Variants in PRKN observed in about 807,000 individuals in gnomAD.
PRKN encodes parkin RBR E3 ubiquitin protein ligase, also known as E3 ubiquitin-protein ligase parkin.
PRKN carries 56 observed loss-of-function variants against 59.5 expected under a neutral mutation model. The ratio of observed to expected loss-of-function variants is 0.94; its 90% CI spans 0.76 to 1.18. PRKN has a LOEUF of 1.18. Among genes scored for constraint, PRKN ranks in the 50% most tolerant of loss-of-function variants. PRKN has a pLI of 0.00. For missense variants in PRKN, 657 were observed against 596.4 expected, an observed-to-expected ratio of 1.10 and a Z score of -1.06; for synonymous variants, 250 against 222.1, an observed-to-expected ratio of 1.13 and a Z score of -1.12.
At chr6:162,530,672 G>A (rs187510864) in intron 1 of PRKN, among the ~76,000 whole-genome samples, 1 of 152,304 alleles carries the variant, frequency 6.6e-6, no homozygotes, top group East Asian at 1.9e-4. Flanking sequence ...AGTCATGCAT[G>A]AGGGATCGCT....
intron 6 of PRKN, among the ~76,000 whole-genome samples, chr6:161,854,084 TAAAAAAAAAA>T (rs34040894): frequency 9.6e-6 from 1 of 103,708 alleles, no homozygotes; most frequent in Non-Finnish European, 1.9e-5. Flanking sequence ...TGTTTCTACA[TAAAAAAAAAA>T]AAAAAAAAAA....
intron 6 of PRKN, among the ~76,000 whole-genome samples, chr6:161,840,130 C>T (rs747941369): frequency 1.3e-5 from 2 of 152,232 alleles, no homozygotes; most frequent in Non-Finnish European, 2.9e-5. Flanking sequence ...ACCACCAGCA[C>T]TGCTTGCCCT....
At chr6:161,710,757 G>C (rs57921265) in intron 7 of PRKN, among the ~76,000 whole-genome samples, 1 of 151,414 alleles carries the variant, frequency 6.6e-6, no homozygotes, top group Non-Finnish European at 1.5e-5. Flanking sequence ...CTTGAATCTT[G>C]AATGTGCCTG....
At chr6:162,354,134 T>C (rs1436131771) in intron 2 of PRKN, among the ~76,000 whole-genome samples, 1 of 152,184 alleles carries the variant, frequency 6.6e-6, no homozygotes, top group Non-Finnish European at 1.5e-5. Context: ...TGTTATGTAT[T>C]CCTGTGACAT....
chr6:161,537,840 G>C lies in PRKN; in HGVS notation c.1083+11014C>G, dbSNP rs959321842. Among the ~76,000 whole-genome samples the C allele has an allele frequency of 6.6e-5, 10 of 152,178 alleles. No individual in the cohort carries two copies. In the East Asian group the frequency reaches 1.7e-3, roughly 26 times the overall value. On this transcript the variant is annotated intron_variant, in intron 9 of 11. Transcript: ENST00000366898. ...ATGTCACATTCTGCAAGTGGACTGG[G>C]TTTGTCTACATGGGGAGGCGGCCAC...
intron 2 of PRKN, among the ~76,000 whole-genome samples, chr6:162,322,050 T>C (rs1783045611): frequency 6.6e-6 from 1 of 151,872 alleles, no homozygotes; most frequent in South Asian, 2.1e-4. Context: ...AATTAGAAAA[T>C]TCCTATTCTC....
chr6:162,460,333 G>A (rs1791093178), intron 1 of PRKN, among the ~76,000 whole-genome samples: 1 of 152,164 alleles, frequency 6.6e-6, no homozygotes, highest in Non-Finnish European at 1.5e-5. Context: ...CACAGAGAGT[G>A]CATTAGTGAT....
At chr6:162,114,516 T>C (rs1359813256) in intron 4 of PRKN, among the ~76,000 whole-genome samples, 1 of 152,070 alleles carries the variant, frequency 6.6e-6, no homozygotes, top group East Asian at 1.9e-4. Flanking sequence ...GCTCTCTGTT[T>C]GTCTGTTGTT....
At chr6:162,074,405 T>C (rs1399498606) in intron 4 of PRKN, among the ~76,000 whole-genome samples, 3 of 141,524 alleles carry the variant, frequency 2.1e-5, no homozygotes, top group African/African-American at 8.0e-5. Context: ...CCACATATTC[T>C]CACTCATAGG....
At chr6:162,089,980 AC>A (rs1031761435) in intron 4 of PRKN, among the ~76,000 whole-genome samples, 1 of 152,214 alleles carries the variant, frequency 6.6e-6, no homozygotes, top group Admixed American at 6.5e-5. Flanking sequence ...GTTGATGATT[AC>A]ACAACTCTAT....
chr6:161,739,032 T>C (rs932624320), intron 7 of PRKN, among the ~76,000 whole-genome samples: 1 of 152,220 alleles, frequency 6.6e-6, no homozygotes, highest in Non-Finnish European at 1.5e-5. Flanking sequence ...GATATTGATA[T>C]GCCAGGATCC....
At chr6:161,842,250 G>A (rs1793016744) in intron 6 of PRKN, among the ~76,000 whole-genome samples, 1 of 151,964 alleles carries the variant, frequency 6.6e-6, no homozygotes, top group African/African-American at 2.4e-5. Flanking sequence ...TGTAATCCCA[G>A]CACTTTGGGA....
At chr6:162,020,935 T>C (rs1783122951) in intron 5 of PRKN, among the ~76,000 whole-genome samples, 4 of 151,172 alleles carry the variant, frequency 2.6e-5, no homozygotes, top group Admixed American at 2.6e-4. Flanking sequence ...AAACCTCATC[T>C]CTACAAAAAA....
At chr6:161,420,573 G>A (rs998307328) in intron 9 of PRKN, among the ~76,000 whole-genome samples, 2 of 151,796 alleles carry the variant, frequency 1.3e-5, no homozygotes, top group Non-Finnish European at 2.9e-5. Context: ...GAGTGCAATG[G>A]TACAATAACA....
chr6:162,286,796 A>G (rs1781212340), intron 2 of PRKN, among the ~76,000 whole-genome samples: 1 of 152,202 alleles, frequency 6.6e-6, no homozygotes, highest in Non-Finnish European at 1.5e-5. Flanking sequence ...TACATTCTCC[A>G]AACTTTAATT....
At chr6:161,505,469 G>A (rs944679990) in intron 9 of PRKN, among the ~76,000 whole-genome samples, 7 of 151,526 alleles carry the variant, frequency 4.6e-5, no homozygotes, top group African/African-American at 1.7e-4. Context: ...CTCCCATTTT[G>A]TGGGCTGCCT....
intron 2 of PRKN, among the ~76,000 whole-genome samples, chr6:162,268,037 A>G (rs531990136): frequency 6.6e-6 from 1 of 152,204 alleles, no homozygotes; most frequent in African/African-American, 2.4e-5. Flanking sequence ...TTATTAATAC[A>G]TTGTTTTCAG....
At chr6:162,084,323 T>C (rs905726169) in intron 4 of PRKN, among the ~76,000 whole-genome samples, 1 of 152,154 alleles carries the variant, frequency 6.6e-6, no homozygotes, top group African/African-American at 2.4e-5. Context: ...CATCCACTCA[T>C]GCATTGAAAA....
chr6:161,595,291 C>T (rs570872873), intron 7 of PRKN, among the ~76,000 whole-genome samples: 7 of 152,150 alleles, frequency 4.6e-5, no homozygotes, highest in East Asian at 3.9e-4. Flanking sequence ...AACAAACCAC[C>T]GACAACAAGA....
Sources: allele counts gnomAD v4.1 joint callset (sites outside exome capture counted in the v4.1 genomes callset), GRCh38; gene constraint gnomAD v4.1.1; transcripts MANE v1.5; gene names NCBI Gene and HGNC (gene_info 2026-07-23, HGNC 2026-07-21).